The following CNTN5 variants were observed in gnomAD, a reference collection of about 807,000 sequenced individuals.
The protein encoded by CNTN5 is contactin-5.
A neutral mutation model predicts 129.1 loss-of-function variants in CNTN5; 77 were observed. The ratio of observed to expected loss-of-function variants is 0.60; its 90% CI spans 0.50 to 0.72. CNTN5 has a LOEUF of 0.72. Among genes scored for constraint, CNTN5 ranks in the 30% least tolerant of loss-of-function variants. The pLI is 0.00. For missense variants in CNTN5, 1,478 were observed against 1,328.8 expected (o/e 1.11, Z -1.75); for synonymous variants, 509 against 465.6 (o/e 1.09, Z -1.20).
At chr11:100,098,544 C>G (rs1945097838) in intron 13 of CNTN5, among the ~76,000 whole-genome samples, 2 of 151,976 alleles carry the variant, frequency 1.3e-5, no homozygotes, top group African/African-American at 4.8e-5. Flanking sequence ...TACAGCTGTC[C>G]TTGCAGGAAC....
intron 1 of CNTN5, among the ~76,000 whole-genome samples, chr11:99,094,157 G>A (rs1234790538): frequency 1.3e-5 from 2 of 151,892 alleles, no homozygotes; most frequent in Non-Finnish European, 1.5e-5. Context: ...ATGGGCATAA[G>A]TAATTTTTGT....
At chr11:99,330,871 C>A (rs1043030932) in intron 2 of CNTN5, among the ~76,000 whole-genome samples, 3 of 151,802 alleles carry the variant, frequency 2.0e-5, no homozygotes, top group African/African-American at 7.3e-5. Context: ...ATTAAAATAC[C>A]TAAAAATTTA....
chr11:99,516,430 C>A (rs1289613561), intron 2 of CNTN5, among the ~76,000 whole-genome samples: 1 of 152,024 alleles, frequency 6.6e-6, no homozygotes, highest in Non-Finnish European at 1.5e-5. Context: ...TCTGTGGAAA[C>A]TAGTATGTTC....
At chr11:99,856,950 A>C (rs1948054303) in intron 6 of CNTN5, among the ~76,000 whole-genome samples, 1 of 151,694 alleles carries the variant, frequency 6.6e-6, no homozygotes, top group African/African-American at 2.4e-5. Context: ...CTGTTCAATA[A>C]CCCACGTCTC....
At chr11:99,170,628 G>A (rs1048892903) in intron 1 of CNTN5, among the ~76,000 whole-genome samples, 4 of 152,178 alleles carry the variant, frequency 2.6e-5, no homozygotes, top group African/African-American at 9.7e-5. Context: ...ATTTAAAACA[G>A]CATATGTTTC....
chr11:99,044,433 C>T (rs1167145617), intron 1 of CNTN5, among the ~76,000 whole-genome samples: 1 of 152,050 alleles, frequency 6.6e-6, no homozygotes, highest in African/African-American at 2.4e-5. Flanking sequence ...TTTACAACAC[C>T]AAAAAGGGCT....
intron 3 of CNTN5, among the ~76,000 whole-genome samples, chr11:99,819,279 T>C: frequency 9.3e-6 from 1 of 107,852 alleles, no homozygotes; most frequent in Non-Finnish European, 2.0e-5. Context: ...TCATTTTTCC[T>C]TTTCCCTCTC....
intron 8 of CNTN5, among the ~76,000 whole-genome samples, chr11:99,967,341 A>G (rs1198348250): frequency 6.6e-6 from 1 of 152,162 alleles, no homozygotes; most frequent in Non-Finnish European, 1.5e-5. Flanking sequence ...TGCATTCACA[A>G]ATGTGTATTG....
chr11:100,048,523 G>T (rs969140514), intron 9 of CNTN5, among the ~76,000 whole-genome samples: 71 of 152,022 alleles, frequency 4.7e-4, no homozygotes, highest in Non-Finnish European at 3.7e-4. Context: ...ATATAATCAA[G>T]AGAGAAATAG....
chr11:99,747,741 G>C (rs1944101947), intron 3 of CNTN5, among the ~76,000 whole-genome samples: 1 of 152,002 alleles, frequency 6.6e-6, no homozygotes, highest in South Asian at 2.1e-4. Context: ...CAAAGTGCTG[G>C]GATTACAGGC....
intron 1 of CNTN5, among the ~76,000 whole-genome samples, chr11:99,037,576 C>CTTTTTTTTTT (rs1161467398): frequency 8.5e-5 from 9 of 105,666 alleles, no homozygotes; most frequent in African/African-American, 2.5e-4. Context: ...TTTTTCTTTT[C>CTTTTTTTTTT]TTTTTTTTTT....
chr11:99,544,202 C>G (rs1253086939), intron 2 of CNTN5, among the ~76,000 whole-genome samples: 1 of 152,110 alleles, frequency 6.6e-6, no homozygotes, highest in Non-Finnish European at 1.5e-5. Context: ...AACTCGCTCA[C>G]TATTGCAAGT....
chr11:99,857,404 A>G (rs1214220154), intron 6 of CNTN5, among the ~76,000 whole-genome samples: 1 of 152,200 alleles, frequency 6.6e-6, no homozygotes, highest in Non-Finnish European at 1.5e-5. Context: ...TATGACACCT[A>G]TGAGAAGAAT....
At chr11:99,214,266 T>C (rs1479638577) in intron 1 of CNTN5, among the ~76,000 whole-genome samples, 1 of 151,658 alleles carries the variant, frequency 6.6e-6, no homozygotes, top group Non-Finnish European at 1.5e-5. Flanking sequence ...TGATAAAACA[T>C]GGAATTGAGG....
intron 7 of CNTN5, among the ~76,000 whole-genome samples, chr11:99,956,171 C>T (rs911155772): frequency 2.6e-5 from 4 of 151,468 alleles, no homozygotes; most frequent in South Asian, 2.1e-4. Context: ...TTATGAAGTA[C>T]GTAATATTCT....
intron 16 of CNTN5, among the ~76,000 whole-genome samples, chr11:100,231,587 T>A (rs1949490511): frequency 6.6e-6 from 1 of 152,168 alleles, no homozygotes; most frequent in Admixed American, 6.5e-5. Context: ...GAGGCCCCTT[T>A]ATCCTCAAAA....
intron 1 of CNTN5, among the ~76,000 whole-genome samples, chr11:99,155,584 AT>A (rs1187429583): frequency 3.9e-5 from 6 of 152,070 alleles, no homozygotes; most frequent in Non-Finnish European, 7.4e-5. Flanking sequence ...GCTTTGTTCA[AT>A]TTTTTATAGT....
intron 8 of CNTN5, among the ~76,000 whole-genome samples, chr11:99,996,779 A>G (rs976109580): frequency 1.2e-4 from 18 of 152,148 alleles, no homozygotes; most frequent in African/African-American, 4.1e-4. Context: ...GGCAAGGTAC[A>G]TCTTACATGG....
At chr11:99,393,885 G>T (rs1011955572) in intron 2 of CNTN5, among the ~76,000 whole-genome samples, 1 of 151,710 alleles carries the variant, frequency 6.6e-6, no homozygotes, top group Non-Finnish European at 1.5e-5. Context: ...AAGATAAAAT[G>T]CAGAAAAGTA....
Sources: gnomAD v4.1 joint callset for allele counts (sites outside exome capture counted in the v4.1 genomes callset) on GRCh38, gnomAD v4.1.1 for gene constraint, MANE v1.5 for transcripts, NCBI Gene and HGNC (gene_info 2026-07-23, HGNC 2026-07-21) for gene names.